The following EGFLAM variants were observed in gnomAD, a reference collection of about 807,000 sequenced individuals.
EGFLAM encodes pikachurin.
In EGFLAM, 79 loss-of-function variants were observed where a neutral mutation model predicts 113.1. The observed-to-expected ratio is 0.70, with a 90% confidence interval of 0.58 to 0.84. The LOEUF is 0.84. EGFLAM is among the 40% of genes least tolerant of loss of function. EGFLAM has a pLI of 0.00. For missense variants in EGFLAM, 1,265 were observed against 1,291.6 expected (o/e 0.98, Z 0.32); for synonymous variants, 504 against 487.6 (o/e 1.03, Z -0.44).
Position 38,391,466 on chromosome 5 carries a change from C to T in EGFLAM, c.713-14660C>T, listed in dbSNP as rs139484486. Among the ~76,000 whole-genome samples, 393 of 151,582 alleles carry T rather than the reference C, an allele frequency of 2.6e-3. 6 individuals carry two copies. Among genetic ancestry groups the T allele is most frequent in the African/African-American group, 9.0e-3 (371 of 41,218 alleles). On this transcript the variant is annotated intron_variant, in intron 6 of 21. Coordinates refer to ENST00000322350, the MANE Select transcript of EGFLAM (RefSeq NM_152403.4). Reference sequence around the variant, plus strand: ...AGGCTGGAGTACAGTGGCCTGATCTCGGCTCATTGCAACCTCAAACCTCCT... The same window carrying T: ...AGGCTGGAGTACAGTGGCCTGATCTTGGCTCATTGCAACCTCAAACCTCCT...
intron 1 of EGFLAM, among the ~76,000 whole-genome samples, chr5:38,260,074 G>A (rs1757460605): frequency 6.6e-6 from 1 of 152,132 alleles, no homozygotes; most frequent in Non-Finnish European, 1.5e-5. Context: ...TAAATTATGA[G>A]CCACTCCATT....
intron 17 of EGFLAM, among the ~76,000 whole-genome samples, chr5:38,440,180 G>C (rs181825484): frequency 2.0e-5 from 3 of 152,130 alleles, no homozygotes; most frequent in Non-Finnish European, 2.9e-5. Context: ...AGGACATTGG[G>C]GACTCTTTTC....
chr5:38,435,761 A>G (rs953547896), intron 16 of EGFLAM, among the ~76,000 whole-genome samples: 1 of 150,794 alleles, frequency 6.6e-6, no homozygotes, highest in African/African-American at 2.4e-5. Flanking sequence ...TAGAAGGTTC[A>G]GGAAAAAAAC....
At chr5:38,287,517 G>A (rs1488745416) in intron 1 of EGFLAM, among the ~76,000 whole-genome samples, 1 of 152,180 alleles carries the variant, frequency 6.6e-6, no homozygotes. Context: ...GACCACAGGT[G>A]TGCACCACCA....
chr5:38,391,406 G>T (rs907003870), intron 6 of EGFLAM, among the ~76,000 whole-genome samples: 2 of 151,444 alleles, frequency 1.3e-5, no homozygotes, highest in East Asian at 3.9e-4. Context: ...GTGTGTGTGT[G>T]TGTGTGTGTG....
chr5:38,279,395 C>G (rs1471937588), intron 1 of EGFLAM, among the ~76,000 whole-genome samples: 1 of 152,120 alleles, frequency 6.6e-6, no homozygotes, highest in Non-Finnish European at 1.5e-5. Flanking sequence ...AAATCAGTAC[C>G]TTGAAGAGAT....
At chr5:38,424,896 T>C in intron 12 of EGFLAM, 71 bp from the exon 13 acceptor site, 1 of 1,565,906 alleles carries the variant, frequency 6.4e-7, no homozygotes, top group Non-Finnish European at 8.7e-7. Flanking sequence ...GAGCTGCTGG[T>C]GGGGTCAGCG....
At chr5:38,422,490 A>G (rs1741860859) in intron 12 of EGFLAM, among the ~76,000 whole-genome samples, 1 of 152,192 alleles carries the variant, frequency 6.6e-6, no homozygotes, top group Non-Finnish European at 1.5e-5. Context: ...GGGGAAGCCC[A>G]TGGACCTCTT....
intron 12 of EGFLAM, among the ~76,000 whole-genome samples, chr5:38,422,838 G>T (rs1293967398): frequency 6.6e-6 from 1 of 152,042 alleles, no homozygotes; most frequent in Non-Finnish European, 1.5e-5. Context: ...TACATACCCA[G>T]CTCCAGGCAG....
Position 38,463,973 on chromosome 5 carries a change from G to A in EGFLAM, c.3017G>A (p.Cys1006Tyr), listed in dbSNP as rs750910948. 1.9e-6 allele frequency: 3 copies of A among 1,614,212 alleles called. No homozygotes were observed. The highest frequency in any genetic ancestry group is 2.5e-6 in the Non-Finnish European group (3 of 1,180,048). ...GTGGATGGGAAAAACATCAACACTTGTGGAGCCAAGTAACACCAGCTGGCC... is the reference window on the plus strand; with the variant it reads ...GTGGATGGGAAAAACATCAACACTTATGGAGCCAAGTAACACCAGCTGGCC... ...DAVDGKNINT[C>Y]GAK The change falls in exon 22 of 22, where the codon TGT becomes TAT. Residue 1006 changes from cysteine to tyrosine, a missense_variant. Transcript: ENST00000322350.
intron 1 of EGFLAM, among the ~76,000 whole-genome samples, chr5:38,334,892 G>A (rs998731374): frequency 2.6e-5 from 4 of 152,116 alleles, no homozygotes; most frequent in Admixed American, 1.3e-4. Context: ...GGTTCTCAAC[G>A]GGGAGCAGTT....
intron 6 of EGFLAM, among the ~76,000 whole-genome samples, chr5:38,396,795 G>C (rs1041648190): frequency 2.6e-5 from 4 of 152,222 alleles, no homozygotes; most frequent in African/African-American, 9.7e-5. Flanking sequence ...TTTTCCTGCT[G>C]TGTTCACAGC....
intron 6 of EGFLAM, among the ~76,000 whole-genome samples, chr5:38,388,997 T>G (rs569811184): frequency 6.6e-6 from 1 of 151,750 alleles, no homozygotes; most frequent in South Asian, 2.1e-4. Context: ...TAAGAAGAAA[T>G]TACCAAATGA....
chr5:38,359,850 T>C (rs888019718), intron 5 of EGFLAM, among the ~76,000 whole-genome samples: 6 of 152,324 alleles, frequency 3.9e-5, no homozygotes, highest in African/African-American at 1.4e-4. Flanking sequence ...TTTCTGACTT[T>C]TCTGCCTAAA....
intron 10 of EGFLAM, 122 bp downstream of exon 10, chr5:38,409,226 A>G (rs1293687630): frequency 8.9e-6 from 7 of 785,196 alleles, no homozygotes; most frequent in Non-Finnish European, 1.4e-5. Context: ...AATGGTTTGT[A>G]TAAAATGAGT....
chr5:38,261,644 G>A (rs1454603501), intron 1 of EGFLAM, among the ~76,000 whole-genome samples: 1 of 152,164 alleles, frequency 6.6e-6, no homozygotes, highest in Non-Finnish European at 1.5e-5. Flanking sequence ...AGCTCCCGTG[G>A]GTCAGATATT....
intron 16 of EGFLAM, among the ~76,000 whole-genome samples, chr5:38,436,634 G>A (rs1561092607): frequency 1.3e-5 from 2 of 152,100 alleles, no homozygotes; most frequent in Admixed American, 6.6e-5. Flanking sequence ...TCCTCTGCCC[G>A]CTCTTCTCAG....
Position 38,463,101 on chromosome 5 carries a change from T to C in EGFLAM, c.2875+90T>C, listed in dbSNP as rs995668383. The C allele has an allele frequency of 5.6e-6, 7 of 1,252,184 alleles. No homozygotes were observed. The African/African-American group carries it at 1.0e-4, about 19-fold the overall frequency. 77.6% of individuals were successfully genotyped at this position (1,252,184 alleles called of 1,614,324 possible). ...GCTGTGCCGAGGCTATGTACTTTGCTGGATCAAATACCTGTAAATCAGGAA... is the reference window on the plus strand; with the variant it reads ...GCTGTGCCGAGGCTATGTACTTTGCCGGATCAAATACCTGTAAATCAGGAA... On this transcript the variant is annotated intron_variant, in intron 21 of 21. Coordinates refer to ENST00000322350, the MANE Select transcript of EGFLAM (RefSeq NM_152403.4).
At chr5:38,370,250 T>C in intron 5 of EGFLAM, 46 bp from the exon 6 acceptor site, 1 of 1,587,664 alleles carries the variant, frequency 6.3e-7, no homozygotes, top group Admixed American at 1.7e-5. Flanking sequence ...CCCTTCCCTC[T>C]GGTATTTCTG....
Sources: gnomAD v4.1 joint callset for allele counts (sites outside exome capture counted in the v4.1 genomes callset) on GRCh38, gnomAD v4.1.1 for gene constraint, MANE v1.5 for transcripts, NCBI Gene and HGNC (gene_info 2026-07-23, HGNC 2026-07-21) for gene names.